The following ARHGEF33 variants were observed in gnomAD, a reference collection of about 807,000 sequenced individuals.
ARHGEF33 encodes DH and coiled-coil domain-containing protein ENSP00000381780.
A neutral mutation model predicts 101.9 loss-of-function variants in ARHGEF33; 72 were observed. That is an observed-to-expected ratio of 0.71 (90% CI 0.58 to 0.86). ARHGEF33 has a LOEUF of 0.86. Among genes scored for constraint, ARHGEF33 ranks in the 40% least tolerant of loss-of-function variants. ARHGEF33 has a pLI of 0.00. For synonymous variants in ARHGEF33, 499 were observed against 442.5 expected, an observed-to-expected ratio of 1.13 and a Z score of -1.60; for missense variants, 1,169 against 1,111.3, an observed-to-expected ratio of 1.05 and a Z score of -0.74.
In ARHGEF33 at chr2:38,937,477, A is replaced by C. The variant is rs1473250077; in HGVS notation, c.708A>C (p.Lys236Asn). The stretch of plus-strand genomic sequence containing the variant: ...AATGGGGTGAAGAATACGTCACAAA[A>C]GACCACCCAGATAAACTCAAGGAGG... ...GKEWGEEYVTKDHPDKLKEAG... is the reference protein window; with the variant it reads ...GKEWGEEYVTNDHPDKLKEAG... Residue 236 changes from lysine to asparagine, a missense_variant, in exon 9 of 18, where the codon AAA becomes AAC. Lys to Asn is a moderately conservative substitution (Grantham distance 94). Transcript: ENST00000409978. The C allele has an allele frequency of 5.2e-6, 8 of 1,550,992 alleles. No individual in the cohort carries two copies. Among genetic ancestry groups the C allele is most frequent in the Middle Eastern group, 1.7e-4 (1 of 5,898 alleles).
chr2:38,960,063 G>A lies in ARHGEF33; in HGVS notation c.1758G>A (p.Glu586=). The A allele has an allele frequency of 1.3e-6, 2 of 1,542,302 alleles. No individual in the cohort carries two copies. The highest frequency in any genetic ancestry group is 2.4e-5 in the South Asian group (2 of 83,764). ...PEMDFESSPA[E]PLGNVERSLR... is the part of the protein sequence containing the mutation. Reference sequence around the variant, plus strand: ...TGGACTTCGAGTCCTCTCCGGCGGAGCCGCTGGGCAACGTGGAGCGCTCCC... The same window carrying A: ...TGGACTTCGAGTCCTCTCCGGCGGAACCGCTGGGCAACGTGGAGCGCTCCC... Residue 586 remains glutamate (E), a synonymous_variant, in exon 16 of 18, where the codon GAG becomes GAA. Transcript: ENST00000409978.
chr2:38,922,767 G>A (rs533477738), intron 4 of ARHGEF33, among the ~76,000 whole-genome samples: 2 of 152,342 alleles, frequency 1.3e-5, no homozygotes, highest in East Asian at 3.9e-4. Flanking sequence ...TAGAGGCATT[G>A]ATACAATTCT....
At chr2:38,917,395 A>G (rs1572746562) in intron 2 of ARHGEF33, among the ~76,000 whole-genome samples, 1 of 152,076 alleles carries the variant, frequency 6.6e-6, no homozygotes, top group Non-Finnish European at 1.5e-5. Flanking sequence ...TCGAGCCCAT[A>G]ATGAAGTCTT....
intron 17 of ARHGEF33, chr2:38,969,664 G>A: frequency 6.3e-6 from 1 of 157,822 alleles, no homozygotes. Context: ...GTCCTGGGCA[G>A]ACACAAGGTC....
At chr2:38,935,926 C>A (rs1419534502) in intron 8 of ARHGEF33, 92 bp downstream of exon 8, 2 of 1,067,840 alleles carry the variant, frequency 1.9e-6, no homozygotes, top group Non-Finnish European at 2.8e-6. Flanking sequence ...TAGTTTCAAA[C>A]CAGGCATGAA....
rs372802251 is a variant in ARHGEF33, at chr2:38,959,950, C to T, written c.1645C>T (p.Pro549Ser). ...GCTGGAGGGCAGGAAGCACGAGCGG[C>T]CCGAGAGCCTTCTGGCACCGACGCA... The part of the protein sequence containing the change: ...WELEGRKHER[P>S]ESLLAPTQFC... The change falls in exon 16 of 18, where the codon CCC becomes TCC. Residue 549 changes from proline (P) to serine (S), a missense_variant. Coordinates refer to ENST00000409978, the MANE Select transcript of ARHGEF33 (RefSeq NM_001145451.5). 5.8e-6 allele frequency: 9 copies of T among 1,551,520 alleles called. No individual in the cohort carries two copies. The East Asian group carries it at 1.7e-4, about 30-fold the overall frequency.
intron 9 of ARHGEF33, among the ~76,000 whole-genome samples, chr2:38,942,405 C>T (rs2124400331): frequency 6.6e-6 from 1 of 151,338 alleles, no homozygotes; most frequent in African/African-American, 2.4e-5. Flanking sequence ...TCTGATCTGC[C>T]CACCTCGACC....
At chr2:38,956,042 T>C (rs949727660) in intron 13 of ARHGEF33, among the ~76,000 whole-genome samples, 2 of 152,166 alleles carry the variant, frequency 1.3e-5, no homozygotes, top group Admixed American at 1.3e-4. Context: ...TATTTAATCC[T>C]TTCAACAATC....
At chr2:38,918,690 A>G (rs1666689387) in intron 2 of ARHGEF33, among the ~76,000 whole-genome samples, 1 of 152,240 alleles carries the variant, frequency 6.6e-6, no homozygotes, top group Admixed American at 6.5e-5. Context: ...ATACTATTTA[A>G]TGGAATAGAA....
intron 2 of ARHGEF33, among the ~76,000 whole-genome samples, chr2:38,900,557 C>G (rs544593193): frequency 2.0e-5 from 3 of 152,174 alleles, no homozygotes; most frequent in Non-Finnish European, 4.4e-5. Context: ...GTGAATTCAG[C>G]TAGTCCAGTC....
At chr2:38,929,172 T>A in intron 5 of ARHGEF33, 101 bp downstream of exon 5, 1 of 847,834 alleles carries the variant, frequency 1.2e-6, no homozygotes, top group Non-Finnish European at 1.8e-6. Context: ...GGCTCACGCC[T>A]GTAATCCCAG....
chr2:38,936,350 G>A (rs976698285), intron 8 of ARHGEF33, among the ~76,000 whole-genome samples: 1 of 152,126 alleles, frequency 6.6e-6, no homozygotes, highest in Admixed American at 6.5e-5. Flanking sequence ...TCTAGCATTA[G>A]GGTCAAGGGA....
intron 12 of ARHGEF33, 23 bp downstream of exon 12, chr2:38,953,268 C>T (rs1270809164): frequency 1.3e-5 from 17 of 1,299,968 alleles, no homozygotes; most frequent in Non-Finnish European, 1.6e-5. Flanking sequence ...CATATATATG[C>T]TATCCTTCAT....
chr2:38,924,056 G>A (rs557086450), intron 4 of ARHGEF33, among the ~76,000 whole-genome samples: 1 of 152,012 alleles, frequency 6.6e-6, no homozygotes, highest in South Asian at 2.1e-4. Context: ...ATATTTCAAA[G>A]GTTTAATTAT....
chr2:38,937,863 A>G (rs1301961127), intron 9 of ARHGEF33, among the ~76,000 whole-genome samples: 1 of 152,142 alleles, frequency 6.6e-6, no homozygotes, highest in African/African-American at 2.4e-5. Flanking sequence ...GTGATGTGGT[A>G]TCTTCTAGAA....
chr2:38,960,282 C>T lies in ARHGEF33; in HGVS notation c.1977C>T (p.Pro659=), dbSNP rs1423371219. 1 of 1,547,182 alleles carries T rather than the reference C, an allele frequency of 6.5e-7. No homozygotes were observed. The highest frequency in any genetic ancestry group is 1.2e-5 in the South Asian group (1 of 83,870). The change falls in exon 16 of 18, where the codon CCC becomes CCT. Residue 659 remains proline, a synonymous_variant. Transcript: ENST00000409978. ...ESSLDICFLR[P]VSFAMEAERP... is the part of the protein sequence containing the mutation. The stretch of plus-strand genomic sequence containing the variant: ...GCCTGGACATCTGCTTCCTGCGGCC[C>T]GTCAGCTTCGCCATGGAGGCCGAGC...
intron 9 of ARHGEF33, among the ~76,000 whole-genome samples, chr2:38,939,071 C>G (rs900004549): frequency 2.0e-5 from 3 of 152,154 alleles, no homozygotes; most frequent in African/African-American, 7.2e-5. Flanking sequence ...CTCCCAGGCT[C>G]AAGTGATTCT....
intron 4 of ARHGEF33, among the ~76,000 whole-genome samples, chr2:38,924,911 G>C (rs1254881996): frequency 6.6e-6 from 1 of 152,094 alleles, no homozygotes; most frequent in Non-Finnish European, 1.5e-5. Context: ...GACAGCATTA[G>C]TTACAACATT....
At position 38,957,319 on chromosome 2, in the gene ARHGEF33, A is replaced by G. The variant is rs578033692; in HGVS notation, c.1370+272A>G. On this transcript the variant is annotated intron_variant, in intron 14 of 17. Transcript: ENST00000409978. ...TGCTAACCACCTCAAAAATAGTTCA[A>G]CTGCCCTAAACTTGCCTGGTTCAAA... Among the ~76,000 whole-genome samples the G allele has an allele frequency of 7.9e-5, 12 of 152,332 alleles. No individual in the cohort carries two copies. The South Asian group carries it at 2.5e-3, about 32-fold the overall frequency.
Sources: allele counts gnomAD v4.1 joint callset (sites outside exome capture counted in the v4.1 genomes callset), GRCh38; gene constraint gnomAD v4.1.1; transcripts MANE v1.5; gene names NCBI Gene and HGNC (gene_info 2026-07-23, HGNC 2026-07-21).